ZNF804A: variants seen among roughly 807,000 people sequenced by gnomAD.
ZNF804A encodes zinc finger protein 804A.
Under a neutral mutation model 16.5 loss-of-function variants are expected in ZNF804A, and 2 were observed. The ratio of observed to expected loss-of-function variants is 0.12; its 90% CI spans 0.05 to 0.38. ZNF804A has a LOEUF of 0.38. ZNF804A is among the 10% of genes least tolerant of loss of function. ZNF804A has a pLI of 0.99. For synonymous variants in ZNF804A, 534 were observed against 489.6 expected (o/e 1.09, Z -1.20); for missense variants, 1,473 against 1,390.7 (o/e 1.06, Z -0.94).
intron 1 of ZNF804A, among the ~76,000 whole-genome samples, chr2:184,741,497 C>G (rs1405520621): frequency 6.6e-6 from 1 of 152,112 alleles, no homozygotes; most frequent in Non-Finnish European, 1.5e-5. Flanking sequence ...GGAGGCAGAG[C>G]TGATACTGTG....
chr2:184,854,610 C>T (rs981765197), intron 1 of ZNF804A, among the ~76,000 whole-genome samples: 9 of 151,926 alleles, frequency 5.9e-5, no homozygotes, highest in Admixed American at 5.9e-4. Context: ...AAAAGTCAAA[C>T]TGAACAATAA....
At chr2:184,639,695 A>T (rs1399490546) in intron 1 of ZNF804A, among the ~76,000 whole-genome samples, 3 of 152,066 alleles carry the variant, frequency 2.0e-5, no homozygotes, top group African/African-American at 7.2e-5. Context: ...TTTATTTTGG[A>T]GGAGGATAGG....
intron 2 of ZNF804A, among the ~76,000 whole-genome samples, chr2:184,878,122 T>C (rs1189460904): frequency 6.6e-6 from 1 of 152,114 alleles, no homozygotes; most frequent in Non-Finnish European, 1.5e-5. Flanking sequence ...TTGGTTGGCC[T>C]TCCCAGATTG....
intron 1 of ZNF804A, among the ~76,000 whole-genome samples, chr2:184,697,744 G>A (rs567010755): frequency 6.6e-6 from 1 of 151,978 alleles, no homozygotes; most frequent in South Asian, 2.1e-4. Context: ...AGCACTTGTT[G>A]TACTTCATAA....
At chr2:184,765,577 CTCAA>C (rs1372039494) in intron 1 of ZNF804A, among the ~76,000 whole-genome samples, 2 of 145,860 alleles carry the variant, frequency 1.4e-5, no homozygotes, top group Non-Finnish European at 3.0e-5. Flanking sequence ...CCCCTGCTTG[CTCAA>C]TCAATCACTA....
At chr2:184,663,103 C>G (rs1056254412) in intron 1 of ZNF804A, among the ~76,000 whole-genome samples, 1 of 152,196 alleles carries the variant, frequency 6.6e-6, no homozygotes, top group East Asian at 1.9e-4. Context: ...CTCAATGGAC[C>G]TGGCAGGAGT....
intron 1 of ZNF804A, among the ~76,000 whole-genome samples, chr2:184,623,423 A>C (rs1300223188): frequency 6.6e-6 from 1 of 152,124 alleles, no homozygotes; most frequent in African/African-American, 2.4e-5. Context: ...AAATATCCAG[A>C]AATTATTGAA....
rs148358854 is a variant in ZNF804A, at chr2:184,655,396, C to T, written c.111+56326C>T. 1.3e-4 allele frequency among the ~76,000 whole-genome samples: 20 copies of T among 152,180 alleles called. 1 individual carries two copies. In the East Asian group the frequency reaches 3.9e-3, roughly 29 times the overall value. On this transcript the variant is annotated intron_variant, in intron 1 of 3. Coordinates refer to ENST00000302277, the MANE Select transcript of ZNF804A (RefSeq NM_194250.2). ...ACATGGATATCCACTAAAAAGGGAGCTGTTTACAGCCCAAGATTACAACTG... is the reference window on the plus strand; with the variant it reads ...ACATGGATATCCACTAAAAAGGGAGTTGTTTACAGCCCAAGATTACAACTG...
At position 184,751,662 on chromosome 2, in the gene ZNF804A, C is replaced by A. The variant is rs184327724; in HGVS notation, c.112-114707C>A. 2.1e-3 allele frequency among the ~76,000 whole-genome samples: 311 copies of A among 151,448 alleles called. 1 individual carries two copies. Among genetic ancestry groups the A allele is most frequent in the Non-Finnish European group, 3.7e-3 (250 of 67,586 alleles). ...ACTAACTTAAACTAAAACGCCTCTGCATAGTAAAAGAAATAACAGAGTAAA... is the reference window on the plus strand; with the variant it reads ...ACTAACTTAAACTAAAACGCCTCTGAATAGTAAAAGAAATAACAGAGTAAA... On this transcript the variant is annotated intron_variant, in intron 1 of 3. Transcript: ENST00000302277.
At chr2:184,760,629 G>A (rs1476369348) in intron 1 of ZNF804A, among the ~76,000 whole-genome samples, 13 of 152,066 alleles carry the variant, frequency 8.5e-5, no homozygotes, top group Admixed American at 8.5e-4. Context: ...GAAGCCATAT[G>A]CTCTTCTCTT....
intron 1 of ZNF804A, among the ~76,000 whole-genome samples, chr2:184,651,386 G>T (rs868867660): frequency 2.0e-5 from 3 of 151,988 alleles, no homozygotes; most frequent in South Asian, 4.1e-4. Flanking sequence ...CCTTGGGAAA[G>T]AATTTATGAC....
rs996946308 is a variant in ZNF804A, at chr2:184,903,665, GT to G, written c.256-29935del. On this transcript the variant is annotated intron_variant, in intron 2 of 3. Transcript: ENST00000302277. ...TGTGCTAAGTGTTTATAATACTTTA[GT>G]TTATTTCATTTTTATAACTTTTTCA... is the stretch of plus-strand genomic sequence containing the variant. Among the ~76,000 whole-genome samples the G allele has an allele frequency of 4.7e-3, 694 of 148,662 alleles. 7 individuals carry two copies. The highest frequency in any genetic ancestry group is 0.014 in the African/African-American group (566 of 41,238).
chr2:184,851,344 C>G (rs1380260412), intron 1 of ZNF804A, among the ~76,000 whole-genome samples: 2 of 151,840 alleles, frequency 1.3e-5, no homozygotes, highest in Non-Finnish European at 2.9e-5. Context: ...ATACCCTCAA[C>G]CCCTACCCCT....
intron 1 of ZNF804A, among the ~76,000 whole-genome samples, chr2:184,628,568 TA>T (rs1691546685): frequency 6.6e-6 from 1 of 152,160 alleles, no homozygotes; most frequent in Non-Finnish European, 1.5e-5. Context: ...TTTAAATTCT[TA>T]CTCAAAATTA....
At chr2:184,924,858 CT>C (rs1483379381) in intron 2 of ZNF804A, among the ~76,000 whole-genome samples, 1 of 151,604 alleles carries the variant, frequency 6.6e-6, no homozygotes, top group Non-Finnish European at 1.5e-5. Context: ...TCCAAAATTC[CT>C]CCTTTTATTG....
rs10208639 is a variant in ZNF804A at position 184,922,753 on chromosome 2, G to A, written c.256-10850G>A. On this transcript the variant is annotated intron_variant, in intron 2 of 3. Coordinates refer to ENST00000302277, the MANE Select transcript of ZNF804A (RefSeq NM_194250.2). ...GGATTTTTGCATATGGCAAAAAATA[G>A]GAGTCTAATTTCTTTCTTCTGCATA... Among the ~76,000 whole-genome samples, 474 of 152,060 alleles carry A rather than the reference G, an allele frequency of 3.1e-3. 2 individuals carry two copies. The highest frequency in any genetic ancestry group is 9.8e-3 in the African/African-American group (409 of 41,538).
At chr2:184,871,932 A>C (rs1191469692) in intron 2 of ZNF804A, among the ~76,000 whole-genome samples, 1 of 152,044 alleles carries the variant, frequency 6.6e-6, no homozygotes, top group African/African-American at 2.4e-5. Flanking sequence ...GATGATTTTC[A>C]AAACAGAATA....
intron 1 of ZNF804A, among the ~76,000 whole-genome samples, chr2:184,839,133 A>T (rs1695397337): frequency 6.6e-6 from 1 of 152,112 alleles, no homozygotes; most frequent in Non-Finnish European, 1.5e-5. Context: ...GACAAAGAAA[A>T]ATGTAAACCT....
chr2:184,616,951 T>C (rs898641082), intron 1 of ZNF804A, among the ~76,000 whole-genome samples: 1 of 152,102 alleles, frequency 6.6e-6, no homozygotes, highest in Non-Finnish European at 1.5e-5. Flanking sequence ...TGTTTGGATG[T>C]CACACATTCA....
Sources: gnomAD v4.1 joint callset for allele counts (sites outside exome capture counted in the v4.1 genomes callset) on GRCh38, gnomAD v4.1.1 for gene constraint, MANE v1.5 for transcripts, NCBI Gene and HGNC (gene_info 2026-07-23, HGNC 2026-07-21) for gene names.